Variants in CFAP20DC observed in about 807,000 individuals in gnomAD.
The protein encoded by CFAP20DC is CFAP20 domain containing.
CFAP20DC carries 84 observed loss-of-function variants against 101.7 expected under a neutral mutation model. That is an observed-to-expected ratio of 0.83 (90% CI 0.69 to 0.99). CFAP20DC has a LOEUF of 0.99. CFAP20DC is among the 50% of genes least tolerant of loss of function. CFAP20DC has a pLI of 0.00. For synonymous variants in CFAP20DC, 359 were observed against 351.2 expected (o/e 1.02, Z -0.25); for missense variants, 1,007 against 970.3 (o/e 1.04, Z -0.50).
At chr3:59,043,690 TGAA>T (rs901409151) in intron 3 of CFAP20DC, among the ~76,000 whole-genome samples, 1 of 152,004 alleles carries the variant, frequency 6.6e-6, no homozygotes, top group African/African-American at 2.4e-5. Flanking sequence ...CAGAAAGCTC[TGAA>T]GAAGACCCTC....
At chr3:58,765,963 A>G (rs2070270961) in intron 15 of CFAP20DC, among the ~76,000 whole-genome samples, 1 of 152,170 alleles carries the variant, frequency 6.6e-6, no homozygotes, top group South Asian at 2.1e-4. Context: ...CATAAATATC[A>G]AATTTTACTT....
At chr3:58,996,238 T>C (rs1260024929) in intron 4 of CFAP20DC, among the ~76,000 whole-genome samples, 1 of 152,208 alleles carries the variant, frequency 6.6e-6, no homozygotes, top group Non-Finnish European at 1.5e-5. Context: ...GTGCTTATTT[T>C]TATATATTTG....
In CFAP20DC at chr3:58,717,538, C is replaced by G. The variant is rs951865171; in HGVS notation, c.*50G>C. The G allele has an allele frequency of 9.3e-6, 4 of 429,672 alleles. No individual in the cohort carries two copies. The highest frequency in any genetic ancestry group is 8.3e-5 in the African/African-American group (4 of 48,234). The allele number at this position is 429,672 out of a possible 1,614,324, so 26.6% of individuals were successfully genotyped here. ...AGATGCTCAAGGAAGAAGTGAGGAC[C>G]CACACTTCCAGGTTCTTGTCCTGAT... On this transcript the variant is annotated 3_prime_UTR_variant, in exon 4 of 4. Transcript: ENST00000486145. This position sits in a 1 kb window ranked among gnomAD's most constrained non-coding sequence, Gnocchi z 4.1.
intron 15 of CFAP20DC, among the ~76,000 whole-genome samples, chr3:58,797,611 A>G (rs547657993): frequency 8.5e-5 from 13 of 152,344 alleles, no homozygotes; most frequent in Non-Finnish European, 1.8e-4. Flanking sequence ...AGCTACAATC[A>G]TTGATGAAGG....
intron 4 of CFAP20DC, among the ~76,000 whole-genome samples, chr3:59,038,500 T>C (rs1320277011): frequency 6.6e-6 from 1 of 152,216 alleles, no homozygotes; most frequent in Non-Finnish European, 1.5e-5. Flanking sequence ...TTTGCAGATA[T>C]TATGTTTGTT....
chr3:59,022,033 T>A (rs941585033), intron 4 of CFAP20DC, among the ~76,000 whole-genome samples: 2 of 152,114 alleles, frequency 1.3e-5, no homozygotes, highest in Non-Finnish European at 2.9e-5. Context: ...AGAATCTGAC[T>A]TATTTCTGTT....
intron 14 of CFAP20DC, among the ~76,000 whole-genome samples, chr3:58,814,252 T>C (rs997737698): frequency 4.6e-5 from 7 of 151,942 alleles, no homozygotes; most frequent in Non-Finnish European, 8.8e-5. Context: ...ACTCCATCCC[T>C]TGGAAAATAG....
At position 58,795,124 on chromosome 3, in the gene CFAP20DC, TC is replaced by T. The variant is rs1458712053; in HGVS notation, c.2237+11270del. On this transcript the variant is annotated intron_variant, in intron 15 of 16. Transcript: ENST00000482387. The surrounding 1 kb of genome is among the most constrained non-coding windows in gnomAD (Gnocchi z 4.2). ...ATTGTTATAAACTAGAATTAGTACTTCTATTTTTTTAAAGGTTCTCATTACT... is the reference window on the plus strand; with the variant it reads ...ATTGTTATAAACTAGAATTAGTACTTTATTTTTTTAAAGGTTCTCATTACT... Among the ~76,000 whole-genome samples the T allele has an allele frequency of 2.0e-5, 3 of 152,170 alleles. No homozygotes were observed. The East Asian group carries it at 5.8e-4, about 29-fold the overall frequency.
chr3:58,839,683 T>C (rs1376398811), intron 13 of CFAP20DC, among the ~76,000 whole-genome samples: 1 of 152,160 alleles, frequency 6.6e-6, no homozygotes, highest in African/African-American at 2.4e-5. Flanking sequence ...CAGTGAACCA[T>C]CATAGTGTTG....
chr3:58,872,897 T>A (rs1023301594), intron 7 of CFAP20DC, among the ~76,000 whole-genome samples: 2 of 150,134 alleles, frequency 1.3e-5, no homozygotes, highest in Non-Finnish European at 3.0e-5. Context: ...AGGCAGCTGT[T>A]CAAGCAGAAT....
In CFAP20DC at chr3:58,964,435, C is replaced by G. The variant is rs1386381065; in HGVS notation, c.279-26673G>C. The stretch of plus-strand genomic sequence containing the variant: ...ACCCTTTTCATGAATATTCATAGCT[C>G]CCCCTATATCTTGTTGAATATGTAT... On this transcript the variant is annotated intron_variant, in intron 4 of 16. Coordinates refer to ENST00000482387, the MANE Select transcript of CFAP20DC (RefSeq NM_001394063.1). The surrounding 1 kb of genome is among the most constrained non-coding windows in gnomAD (Gnocchi z 4.1). 3.3e-5 allele frequency among the ~76,000 whole-genome samples: 5 copies of G among 152,170 alleles called. No homozygotes were observed. The South Asian group carries it at 1.0e-3, about 32-fold the overall frequency.
intron 6 of CFAP20DC, among the ~76,000 whole-genome samples, chr3:58,895,247 C>T (rs1357692788): frequency 6.6e-6 from 1 of 152,226 alleles, no homozygotes; most frequent in Non-Finnish European, 1.5e-5. Context: ...TTTTCTATCG[C>T]ATTGTCAGGC....
At chr3:59,012,427 T>C (rs543562865) in intron 4 of CFAP20DC, among the ~76,000 whole-genome samples, 34 of 149,530 alleles carry the variant, frequency 2.3e-4, no homozygotes, top group African/African-American at 8.2e-4. Context: ...GGAGCCAGAA[T>C]GAAAAGACCT....
intron 4 of CFAP20DC, among the ~76,000 whole-genome samples, chr3:58,990,834 A>G (rs1043002132): frequency 6.6e-6 from 1 of 151,798 alleles, no homozygotes; most frequent in Non-Finnish European, 1.5e-5. Context: ...AACCTGAAAC[A>G]TCTTTGGTAC....
At chr3:58,792,745 A>G (rs747898779) in intron 15 of CFAP20DC, among the ~76,000 whole-genome samples, 3 of 151,812 alleles carry the variant, frequency 2.0e-5, no homozygotes, top group Non-Finnish European at 4.4e-5. Flanking sequence ...CATGAGTTCA[A>G]CTACAAAACT....
At chr3:58,959,490 A>G (rs1466991373) in intron 4 of CFAP20DC, among the ~76,000 whole-genome samples, 1 of 152,150 alleles carries the variant, frequency 6.6e-6, no homozygotes, top group Non-Finnish European at 1.5e-5. Context: ...TGACTATCCA[A>G]AGGTCTCAGC....
chr3:58,957,643 C>T (rs1459588749), intron 4 of CFAP20DC, among the ~76,000 whole-genome samples: 1 of 152,096 alleles, frequency 6.6e-6, no homozygotes, highest in Non-Finnish European at 1.5e-5. Flanking sequence ...CAATGTGGTA[C>T]TTACATACAA....
chr3:58,836,620 T>C (rs1296064836), intron 13 of CFAP20DC, among the ~76,000 whole-genome samples: 1 of 152,112 alleles, frequency 6.6e-6, no homozygotes, highest in African/African-American at 2.4e-5. Flanking sequence ...GTTACTTTTG[T>C]TCTGGAGCCT....
chr3:58,771,871 T>C (rs1423079928), intron 15 of CFAP20DC, among the ~76,000 whole-genome samples: 8 of 152,218 alleles, frequency 5.3e-5, no homozygotes. Flanking sequence ...CTCATCGTTA[T>C]AATGGTATAT....
Sources: gnomAD v4.1 joint callset for allele counts (sites outside exome capture counted in the v4.1 genomes callset) on GRCh38, gnomAD v4.1.1 for gene constraint, Gnocchi (gnomAD v3.1) non-coding constraint, MANE v1.5 for transcripts, NCBI Gene and HGNC (gene_info 2026-07-23, HGNC 2026-07-21) for gene names.